The following ZPLD1 variants were observed in gnomAD, a reference collection of about 807,000 sequenced individuals.
ZPLD1 encodes zona pellucida-like domain-containing protein 1.
ZPLD1 carries 34 observed loss-of-function variants against 47.2 expected under a neutral mutation model. That is an observed-to-expected ratio of 0.72 (90% CI 0.55 to 0.96). The LOEUF is 0.96. ZPLD1 is among the 40% of genes least tolerant of loss of function. ZPLD1 has a pLI of 0.00. For missense variants in ZPLD1, 512 were observed against 505.8 expected (o/e 1.01, Z -0.12); for synonymous variants, 176 against 186.2 (o/e 0.95, Z 0.45).
chr3:102,392,305 G>T (rs1169165242), intron 7 of ZPLD1: 2 of 152,050 alleles, frequency 1.3e-5, no homozygotes, highest in African/African-American at 4.8e-5. Context: ...ATTTTCTGTT[G>T]CTTGCAACAA....
chr3:102,475,573 G>C (rs1341577802), intron 10 of ZPLD1, among the ~76,000 whole-genome samples: 1 of 152,066 alleles, frequency 6.6e-6, no homozygotes, highest in African/African-American at 2.4e-5. Context: ...TGGATATTTT[G>C]GAAGAATTGA....
intron 4 of ZPLD1, among the ~76,000 whole-genome samples, chr3:102,454,619 GC>G (rs1241776908): frequency 6.6e-6 from 1 of 152,190 alleles, no homozygotes; most frequent in African/African-American, 2.4e-5. Context: ...ACTTTGTGGG[GC>G]CAAGGTGGGC....
rs199954809 is a variant in ZPLD1 at position 102,438,534 on chromosome 3, C to T, written c.47C>T (p.Pro16Leu). ...CTGCTTCTAACAATTAGAGTGCTTC[C>T]GGGGTCTGCTCAGTTCAACGGCTAC... ...LLLLLTIRVLPGSAQFNGYNC... is the reference protein window; with the variant it reads ...LLLLLTIRVLLGSAQFNGYNC... Residue 16 changes from proline (P) to leucine (L), a missense_variant, in exon 3 of 12, where the codon CCG becomes CTG. Coordinates refer to ENST00000466937, the MANE Select transcript of ZPLD1 (RefSeq NM_001329788.2). The T allele has an allele frequency of 2.2e-4, 354 of 1,613,886 alleles. 1 individual carries two copies. Among genetic ancestry groups the T allele is most frequent in the Non-Finnish European group, 2.7e-4 (318 of 1,179,852 alleles).
At chr3:102,474,770 C>T (rs184356906) in intron 10 of ZPLD1, among the ~76,000 whole-genome samples, 1 of 152,264 alleles carries the variant, frequency 6.6e-6, no homozygotes, top group East Asian at 1.9e-4. Context: ...TCACCTTTCT[C>T]CTATAGGCTT....
chr3:102,389,514 A>G (rs1348423772), intron 6 of ZPLD1, among the ~76,000 whole-genome samples: 2 of 152,192 alleles, frequency 1.3e-5, no homozygotes, highest in African/African-American at 4.8e-5. Flanking sequence ...AAAAACTTCA[A>G]TGTAGAAGGC....
intron 3 of ZPLD1, among the ~76,000 whole-genome samples, chr3:102,447,057 T>G (rs1207020210): frequency 6.6e-6 from 1 of 152,176 alleles, no homozygotes; most frequent in African/African-American, 2.4e-5. Context: ...TGTTTGATTC[T>G]TGTGCATCTC....
intron 7 of ZPLD1, among the ~76,000 whole-genome samples, chr3:102,402,186 G>T (rs1301977539): frequency 6.6e-6 from 1 of 151,904 alleles, no homozygotes; most frequent in Admixed American, 6.6e-5. Context: ...TCTTTGAAAT[G>T]CTCTTTTTTA....
At chr3:102,431,675 G>A (rs116795788), upstream of ZPLD1, among the ~76,000 whole-genome samples, 1,915 of 152,230 alleles carry the variant, frequency 0.013, 48 homozygotes, top group African/African-American at 0.043. Flanking sequence ...TTGGGAGGCC[G>A]GGGTGTGTGG....
intron 6 of ZPLD1, among the ~76,000 whole-genome samples, chr3:102,460,781 T>C (rs551120061): frequency 1.2e-4 from 19 of 152,098 alleles, no homozygotes; most frequent in African/African-American, 3.6e-4. Flanking sequence ...TCATATGTCA[T>C]TTGCAAAATG....
At chr3:102,474,600 TAA>T (rs899105645) in intron 10 of ZPLD1, among the ~76,000 whole-genome samples, 5 of 151,122 alleles carry the variant, frequency 3.3e-5, no homozygotes, top group Admixed American at 1.3e-4. Flanking sequence ...TAAAGTTTTT[TAA>T]AAAAAAAACT....
intron 8 of ZPLD1, among the ~76,000 whole-genome samples, chr3:102,467,534 GAATTTAGTGT>G (rs1274165157): frequency 6.6e-6 from 1 of 152,018 alleles, no homozygotes; most frequent in Non-Finnish European, 1.5e-5. Context: ...AAACATATGG[GAATTTAGTGT>G]AAGATAGAGT....
At chr3:102,459,089 C>CAAAAAAAAAAAA (rs767071660) in intron 6 of ZPLD1, among the ~76,000 whole-genome samples, 1 of 25,840 alleles carries the variant, frequency 3.9e-5, no homozygotes, top group African/African-American at 1.1e-4. Flanking sequence ...GACTCCGTCT[C>CAAAAAAAAAAAA]AAAAAAAAAA....
At chr3:102,438,393 TG>T (rs1707122449) in intron 2 of ZPLD1, 86 bp from the exon 3 acceptor site, 1 of 874,676 alleles carries the variant, frequency 1.1e-6, no homozygotes, top group Non-Finnish European at 1.9e-6. Context: ...TATCCAACAG[TG>T]AGCTGAGATC....
chr3:102,393,473 G>A (rs1706523745), intron 7 of ZPLD1, among the ~76,000 whole-genome samples: 1 of 152,052 alleles, frequency 6.6e-6, no homozygotes, highest in African/African-American at 2.4e-5. Context: ...TGGTATAATT[G>A]TGTTTGGATT....
intron 7 of ZPLD1, among the ~76,000 whole-genome samples, chr3:102,405,493 G>T (rs1327617361): frequency 6.6e-6 from 1 of 151,972 alleles, no homozygotes; most frequent in East Asian, 1.9e-4. Context: ...CAGAAGGCTT[G>T]AGGTCATGTG....
At chr3:102,428,499 A>G (rs1387161511) in intron 8 of ZPLD1, among the ~76,000 whole-genome samples, 5 of 152,092 alleles carry the variant, frequency 3.3e-5, no homozygotes, top group Admixed American at 3.3e-4. Flanking sequence ...AAAAAATTCA[A>G]TAATAATTTT....
At chr3:102,388,463 G>C (rs62274714) in intron 6 of ZPLD1, among the ~76,000 whole-genome samples, 19,873 of 126,698 alleles carry the variant, frequency 0.16, 1,359 homozygotes, top group Middle Eastern at 0.22. Context: ...GTCTGTGTGT[G>C]TGTGTGTGTG....
At chr3:102,476,488 T>C (rs1707759706) in intron 10 of ZPLD1, among the ~76,000 whole-genome samples, 1 of 152,162 alleles carries the variant, frequency 6.6e-6, no homozygotes, top group South Asian at 2.1e-4. Context: ...TCCTTTCATA[T>C]AGTTATTAAG....
intron 7 of ZPLD1, among the ~76,000 whole-genome samples, chr3:102,398,426 C>T (rs532755386): frequency 1.3e-5 from 2 of 152,192 alleles, no homozygotes; most frequent in South Asian, 4.1e-4. Context: ...GAGTCATTCT[C>T]TTCTTTGTCT....
Sources: allele counts gnomAD v4.1 joint callset (sites outside exome capture counted in the v4.1 genomes callset), GRCh38; gene constraint gnomAD v4.1.1; transcripts MANE v1.5; gene names NCBI Gene and HGNC (gene_info 2026-07-23, HGNC 2026-07-21).